Variants in MAPT observed in about 807,000 individuals in gnomAD.
The protein encoded by MAPT is microtubule associated protein tau.
In MAPT, 34 loss-of-function variants were observed where a neutral mutation model predicts 67.9. The observed-to-expected ratio is 0.50, with a 90% CI of 0.38 to 0.67. MAPT has a LOEUF of 0.67. Ranked by LOEUF, MAPT falls within the 30% of genes least tolerant of loss-of-function variation. The pLI is 0.00. For synonymous variants in MAPT, 456 were observed against 464.5 expected, an observed-to-expected ratio of 0.98 and a Z score of 0.23; for missense variants, 881 against 1,115.2, an observed-to-expected ratio of 0.79 and a Z score of 2.99.
intron 1 of MAPT, chr17:45,898,343 A>C (rs2063400254): frequency 6.6e-6 from 1 of 152,264 alleles, no homozygotes; most frequent in South Asian, 2.1e-4. Flanking sequence ...CGACAGGAAC[A>C]AAAGAAATGG....
intron 2 of MAPT, among the ~76,000 whole-genome samples, chr17:45,968,246 A>G (rs2071293203): frequency 6.6e-6 from 1 of 152,174 alleles, no homozygotes; most frequent in Admixed American, 6.5e-5. Flanking sequence ...TGTGACTTCC[A>G]TGTTCAAGAT....
At chr17:45,937,437 T>C (rs1389908368) in intron 1 of MAPT, among the ~76,000 whole-genome samples, 1 of 150,888 alleles carries the variant, frequency 6.6e-6, no homozygotes, top group Non-Finnish European at 1.5e-5. Flanking sequence ...AAAGAAAAAA[T>C]GTAATTAGCT....
rs1327232226 is a variant in MAPT, at chr17:46,024,334, G to A, written c.*163G>A. The A allele has an allele frequency of 1.2e-5, 8 of 689,744 alleles. No homozygotes were observed. Among genetic ancestry groups the A allele is most frequent in the African/African-American group, 3.5e-5 (2 of 56,558 alleles). 42.7% of individuals were successfully genotyped at this position (689,744 alleles called of 1,614,324 possible). A position where few individuals can be genotyped will look rare whatever the true frequency, so the allele number is the denominator to read the frequency against. On this transcript the variant is annotated 3_prime_UTR_variant, in exon 13 of 13. Coordinates refer to ENST00000262410, the MANE Select transcript of MAPT (RefSeq NM_001377265.1). ...TGCTTTTGTCACTCGGCTTTGGCTC[G>A]GGACTTCAAAATCAGTGATGGGAGT...
chr17:45,999,403 G>T (rs2074797875), intron 9 of MAPT: 7 of 1,613,934 alleles, frequency 4.3e-6, no homozygotes, highest in African/African-American at 1.3e-5. Flanking sequence ...GATGATTCAG[G>T]TTGCCAGAGA....
At chr17:46,018,014 A>G (rs2076294440) in intron 11 of MAPT, among the ~76,000 whole-genome samples, 1 of 151,708 alleles carries the variant, frequency 6.6e-6, no homozygotes, top group Non-Finnish European at 1.5e-5. Flanking sequence ...GCGTGGTGGC[A>G]GGCACCTGTA....
chr17:45,955,615 A>G (rs1489947227), intron 1 of MAPT, among the ~76,000 whole-genome samples: 1 of 152,184 alleles, frequency 6.6e-6, no homozygotes, highest in Non-Finnish European at 1.5e-5. Flanking sequence ...TGGCAGCCAC[A>G]ACACAAGCAA....
At chr17:45,924,002 A>G (rs924393556) in intron 1 of MAPT, among the ~76,000 whole-genome samples, 3 of 152,236 alleles carry the variant, frequency 2.0e-5, no homozygotes, top group Non-Finnish European at 4.4e-5. Flanking sequence ...AGTAAGTGCT[A>G]TGTAAGTGTT....
intron 10 of MAPT, among the ~76,000 whole-genome samples, chr17:46,013,889 A>G (rs926658132): frequency 6.6e-6 from 1 of 152,040 alleles, no homozygotes. Flanking sequence ...AGGGAGTGAC[A>G]TTTTTACACT....
At chr17:45,928,004 A>G (rs1241201690) in intron 1 of MAPT, among the ~76,000 whole-genome samples, 4 of 47,178 alleles carry the variant, frequency 8.5e-5, no homozygotes, top group Non-Finnish European at 1.8e-4. Flanking sequence ...CGTCTCAGGA[A>G]AAAAAAAAAA....
At chr17:46,020,747 C>T (rs2076480626) in intron 12 of MAPT, among the ~76,000 whole-genome samples, 1 of 152,132 alleles carries the variant, frequency 6.6e-6, no homozygotes, top group African/African-American at 2.4e-5. Flanking sequence ...ATGAGAACAG[C>T]ACGGGAAAGA....
At chr17:46,015,629 A>C (rs2076127692) in intron 11 of MAPT, among the ~76,000 whole-genome samples, 1 of 152,242 alleles carries the variant, frequency 6.6e-6, no homozygotes, top group African/African-American at 2.4e-5. Context: ...ACTGCACTCC[A>C]GCCTGGGCGA....
chr17:45,956,582 ATATATATATATATATATATT>A (rs1413825456), intron 1 of MAPT, among the ~76,000 whole-genome samples: 420 of 20,152 alleles, frequency 0.021, 6 homozygotes, highest in African/African-American at 0.063. Context: ...ATATATATAT[ATATATATATATATATATATT>A]TTTTATTATT....
Position 46,009,364 on chromosome 17 carries a change from T to TGCAGGGACAGAGCC in MAPT, c.1999-946_1999-945insGCAGGGACAGAGCC, listed in dbSNP as rs1379895869. ...AAACCATGGTTTTCTATTTCATAGT[T>TGCAGGGACAGAGCC]CTTAGGCAAATTGGTAAAAATCATT... On this transcript the variant is annotated intron_variant, in intron 9 of 12. Coordinates refer to ENST00000262410, the MANE Select transcript of MAPT (RefSeq NM_001377265.1). Among the ~76,000 whole-genome samples, 50 of 114,968 alleles carry TGCAGGGACAGAGCC rather than the reference T, an allele frequency of 4.3e-4. 3 individuals carry two copies. Among genetic ancestry groups the TGCAGGGACAGAGCC allele is most frequent in the Non-Finnish European group, 7.9e-4 (34 of 43,094 alleles). The allele number at this position is 114,968 out of a possible 152,430, so 75.4% of individuals were successfully genotyped here. A position where few individuals can be genotyped will look rare whatever the true frequency, so the allele number is the denominator to read the frequency against.
intron 3 of MAPT, chr17:45,976,850 G>A (rs1413634303): frequency 6.6e-6 from 1 of 152,336 alleles, no homozygotes; most frequent in Non-Finnish European, 1.5e-5. Flanking sequence ...CTCACCCAGT[G>A]CCGTGGCAGT....
At chr17:46,004,221 C>T (rs1466176977) in intron 9 of MAPT, among the ~76,000 whole-genome samples, 1 of 152,042 alleles carries the variant, frequency 6.6e-6, no homozygotes, top group Admixed American at 6.5e-5. Flanking sequence ...TGTGGGGCTG[C>T]AGGCTTGGGG....
Position 45,971,810 on chromosome 17 carries a change from G to T in MAPT, c.134-49G>T. 7.6e-7 allele frequency: 1 copy of T among 1,319,128 alleles called. No homozygotes were observed. The highest frequency in any genetic ancestry group is 2.3e-5 in the East Asian group (1 of 43,516). 81.7% of individuals were successfully genotyped at this position (1,319,128 alleles called of 1,614,324 possible). A position where few individuals can be genotyped will look rare whatever the true frequency, so the allele number is the denominator to read the frequency against. On this transcript the variant is annotated intron_variant, in intron 2 of 12. Transcript: ENST00000262410. This position sits in a 1 kb window ranked among gnomAD's most constrained non-coding sequence, Gnocchi z 4.3. ...CCAGTTCCTCCTGAGAACAAAAGGG[G>T]GCGCTGGGGAGAGGCCACCGTTCTG...
At chr17:45,998,337 G>A (rs957381622) in intron 9 of MAPT, among the ~76,000 whole-genome samples, 2 of 152,142 alleles carry the variant, frequency 1.3e-5, no homozygotes, top group Admixed American at 6.5e-5. Context: ...TAAAAGGGAC[G>A]CATGTGTAGA....
chr17:45,990,537 AC>A, intron 7 of MAPT: 1 of 442,894 alleles, frequency 2.3e-6, no homozygotes, highest in Admixed American at 2.5e-5. Context: ...GATTGCTTGA[AC>A]CCCAGAGGCA....
intron 1 of MAPT, among the ~76,000 whole-genome samples, chr17:45,939,856 A>G (rs537894016): frequency 1.6e-4 from 25 of 152,172 alleles, no homozygotes; most frequent in Non-Finnish European, 2.8e-4. Flanking sequence ...TCTTGACGTA[A>G]CGTGTTCCCT....
Sources: allele counts gnomAD v4.1 joint callset (sites outside exome capture counted in the v4.1 genomes callset), GRCh38; gene constraint gnomAD v4.1.1; non-coding constraint Gnocchi (gnomAD v3.1); transcripts MANE v1.5; gene names NCBI Gene and HGNC (gene_info 2026-07-23, HGNC 2026-07-21).